TANC1: variants seen among roughly 807,000 people sequenced by gnomAD.
TANC1 encodes the protein protein TANC1.
In TANC1, 77 loss-of-function variants were observed where a neutral mutation model predicts 149.7. The ratio of observed to expected loss-of-function variants is 0.51; its 90% CI spans 0.43 to 0.62. TANC1 has a LOEUF of 0.62. Among genes scored for constraint, TANC1 ranks in the 20% least tolerant of loss-of-function variants. The probability of loss-of-function intolerance (pLI) is 0.00; values close to 1 mark genes in which losing one functional copy is unlikely to be tolerated. For missense variants in TANC1, 1,985 were observed against 2,321.8 expected, an observed-to-expected ratio of 0.85 and a Z score of 2.98; for synonymous variants, 854 against 925.0, an observed-to-expected ratio of 0.92 and a Z score of 1.39.
intron 16 of TANC1, among the ~76,000 whole-genome samples, chr2:159,193,044 A>G (rs2057571380): frequency 1.3e-5 from 2 of 152,244 alleles, no homozygotes; most frequent in South Asian, 4.1e-4. Context: ...CAGTAGTGTT[A>G]ACAATATTCA....
intron 1 of TANC1, among the ~76,000 whole-genome samples, chr2:158,992,955 C>T (rs568798046): frequency 0.023 from 3,442 of 152,266 alleles, 54 homozygotes; most frequent in Non-Finnish European, 0.035. Flanking sequence ...TGTTCTCCAT[C>T]ACAGCCGCGT....
chr2:159,179,040 A>G lies in TANC1; in HGVS notation c.2387A>G (p.Asp796Gly). Residue 796 changes from aspartate to glycine, a missense_variant, in exon 14 of 27, where the codon GAC becomes GGC. Asp to Gly is a moderately conservative substitution (Grantham distance 94). Transcript: ENST00000263635. ...QGWEDFQQRM[D>G]ALSCFLIKRR... is the part of the protein sequence containing the mutation. ...TGGGAAGACTTTCAGCAGAGGATGG[A>G]CGCCCTCTCCTGCTTCCTCATTAAG... The G allele has an allele frequency of 6.2e-7, 1 of 1,613,952 alleles. No individual in the cohort carries two copies. The highest frequency in any genetic ancestry group is 8.5e-7 in the Non-Finnish European group (1 of 1,179,994).
At position 159,150,475 on chromosome 2, in the gene TANC1, A is replaced by G; in HGVS notation, c.601A>G (p.Lys201Glu). ...PCSTLNSCVS[K>E]TAANKSPCET... ...CTCAACCTTGAATAGCTGTGTCAGC[A>G]AGACGGCAGCCAACAAAAGTCCCTG... Residue 201 changes from lysine to glutamate, a missense_variant, in exon 7 of 27, where the codon AAG (lysine) becomes GAG (glutamate). Around this residue, in one of 3 missense-constraint regions of TANC1, gnomAD observed 557 missense variants for 612.9 expected, o/e 0.91. Transcript: ENST00000263635. 1 of 1,614,174 alleles carries G rather than the reference A, an allele frequency of 6.2e-7. No individual in the cohort carries two copies. The highest frequency in any genetic ancestry group is 8.5e-7 in the Non-Finnish European group (1 of 1,180,012).
rs941735764 is a variant in TANC1, at chr2:158,996,158, C to T, written c.-125-4922C>T. ...TTGAGCCCAGGAGTTCGAGACCAGC[C>T]TGGGCAACATAGTAAGACCCCCCAA... On this transcript the variant is annotated intron_variant, in intron 1 of 26. Coordinates refer to ENST00000263635, the MANE Select transcript of TANC1 (RefSeq NM_033394.3). Among the ~76,000 whole-genome samples the T allele has an allele frequency of 2.0e-5, 3 of 152,302 alleles. No individual in the cohort carries two copies. In the East Asian group the frequency reaches 5.8e-4, roughly 29 times the overall value.
intron 3 of TANC1, among the ~76,000 whole-genome samples, chr2:159,083,873 T>G (rs1165818433): frequency 1.3e-5 from 2 of 151,764 alleles, no homozygotes; most frequent in Non-Finnish European, 2.9e-5. Context: ...AACTGAGCAG[T>G]GAATTTTTTT....
At chr2:159,011,167 C>T (rs2037716056) in intron 2 of TANC1, among the ~76,000 whole-genome samples, 1 of 152,064 alleles carries the variant, frequency 6.6e-6, no homozygotes, top group Non-Finnish European at 1.5e-5. Flanking sequence ...CTAGTTAGTG[C>T]TTGAGGTGGA....
At chr2:159,009,528 G>T (rs952797814) in intron 2 of TANC1, among the ~76,000 whole-genome samples, 1 of 152,190 alleles carries the variant, frequency 6.6e-6, no homozygotes, top group Non-Finnish European at 1.5e-5. Flanking sequence ...TCACTCATAT[G>T]TGAAAACTAA....
chr2:159,179,332 A>G (rs1347206066), intron 14 of TANC1, among the ~76,000 whole-genome samples, 169 bp downstream of exon 14: 1 of 151,974 alleles, frequency 6.6e-6, no homozygotes, highest in African/African-American at 2.4e-5. Context: ...AGGATGGGCA[A>G]TGGGGAATTC....
chr2:159,002,050 G>A (rs1416866483), intron 2 of TANC1, among the ~76,000 whole-genome samples: 2 of 152,206 alleles, frequency 1.3e-5, no homozygotes, highest in Non-Finnish European at 2.9e-5. Flanking sequence ...AAAAGTCCAA[G>A]TGACACCAAC....
At chr2:159,222,720 A>T (rs1035010975) in intron 22 of TANC1, among the ~76,000 whole-genome samples, 5 of 152,204 alleles carry the variant, frequency 3.3e-5, no homozygotes, top group African/African-American at 1.2e-4. Context: ...GTATTTATTC[A>T]AGACCCTGTT....
rs2046974915 is a variant in TANC1, at chr2:159,104,485, G to A, written c.259+6651G>A. Among the ~76,000 whole-genome samples, 2 of 95,588 alleles carry A rather than the reference G, an allele frequency of 2.1e-5. 1 individual carries two copies. Among genetic ancestry groups the A allele is most frequent in the African/African-American group, 5.8e-5 (2 of 34,478 alleles). The allele number at this position is 95,588 out of a possible 152,430, so 62.7% of individuals were successfully genotyped here. A position where few individuals can be genotyped will look rare whatever the true frequency, so the allele number is the denominator to read the frequency against. Reference sequence around the variant, plus strand: ...GTGATTCTAATATGTAACAAAGTTTGAGAATTACTGATAAAGAATATGTGA... The same window carrying A: ...GTGATTCTAATATGTAACAAAGTTTAAGAATTACTGATAAAGAATATGTGA... On this transcript the variant is annotated intron_variant, in intron 4 of 26. Transcript: ENST00000263635.
chr2:159,198,389 G>A (rs1377146813), intron 18 of TANC1, among the ~76,000 whole-genome samples: 1 of 152,120 alleles, frequency 6.6e-6, no homozygotes, highest in African/African-American at 2.4e-5. Context: ...GTGTTCTCCC[G>A]TTGCTCGCTG....
chr2:159,097,636 G>A lies in TANC1; in HGVS notation c.62-1G>A. The A allele has an allele frequency of 6.2e-7, 1 of 1,612,606 alleles. No individual in the cohort carries two copies. Among genetic ancestry groups the A allele is most frequent in the Non-Finnish European group, 8.5e-7 (1 of 1,178,748 alleles). ...ACCTAAGTATTCTCTCTCTACTCTA[G>A]GAAGTGACTTTGGTCCAGAGACTTC... is the stretch of plus-strand genomic sequence containing the variant. On this transcript the variant is annotated splice_acceptor_variant, in intron 3 of 26. Transcript: ENST00000263635. LOFTEE classifies it high-confidence loss of function.
At chr2:159,053,226 G>A (rs760429426) in intron 2 of TANC1, among the ~76,000 whole-genome samples, 33 of 151,622 alleles carry the variant, frequency 2.2e-4, no homozygotes, top group Non-Finnish European at 4.6e-4. Flanking sequence ...CCCTTTTGGG[G>A]CTGTTGGAGT....
Position 159,217,492 on chromosome 2 carries a change from T to C in TANC1, c.3245-5T>C. ...CAGATTCCCCTCCATGTGACTTTCC[T>C]TTAGCCCTGACTGCCGCCGCAGGAA... On this transcript the variant is annotated splice_polypyrimidine_tract_variant and splice_region_variant and intron_variant, in intron 19 of 26. Coordinates refer to ENST00000263635, the MANE Select transcript of TANC1 (RefSeq NM_033394.3). 6.2e-7 allele frequency: 1 copy of C among 1,614,180 alleles called. No individual in the cohort carries two copies. The highest frequency in any genetic ancestry group is 8.5e-7 in the Non-Finnish European group (1 of 1,180,020).
chr2:159,140,555 C>T (rs1043331185), intron 5 of TANC1, among the ~76,000 whole-genome samples: 14 of 152,140 alleles, frequency 9.2e-5, no homozygotes, highest in Non-Finnish European at 1.3e-4. Context: ...AGCATGGGTC[C>T]TGTCTTTATG....
At chr2:159,079,243 C>A (rs192521942) in intron 3 of TANC1, among the ~76,000 whole-genome samples, 1 of 151,732 alleles carries the variant, frequency 6.6e-6, no homozygotes, top group East Asian at 1.9e-4. Flanking sequence ...ATTGTCCAGG[C>A]TGATCTTGAA....
chr2:159,189,900 T>G, intron 16 of TANC1, among the ~76,000 whole-genome samples: 1 of 152,118 alleles, frequency 6.6e-6, no homozygotes, highest in East Asian at 1.9e-4. Flanking sequence ...GAACCATAGT[T>G]TAGGGGAAGG....
intron 4 of TANC1, among the ~76,000 whole-genome samples, chr2:159,127,202 A>G (rs1323497978): frequency 6.6e-6 from 1 of 152,236 alleles, no homozygotes; most frequent in Admixed American, 6.5e-5. Context: ...GCCAACAAAC[A>G]TAAGAAAAAA....
Sources: allele counts gnomAD v4.1 joint callset (sites outside exome capture counted in the v4.1 genomes callset), GRCh38; gene constraint gnomAD v4.1.1; regional missense constraint gnomAD v4.1.1; transcripts MANE v1.5; gene names NCBI Gene and HGNC (gene_info 2026-07-23, HGNC 2026-07-21).